The following ZFHX3 variants were observed in gnomAD, a reference collection of about 807,000 sequenced individuals.
The protein encoded by ZFHX3 is zinc finger homeobox protein 3.
Under a neutral mutation model 279.1 loss-of-function variants are expected in ZFHX3, and 42 were observed. The observed-to-expected ratio is 0.15, with a 90% CI of 0.12 to 0.19. ZFHX3 has a LOEUF of 0.19. Among genes scored for constraint, ZFHX3 ranks in the 10% least tolerant of loss-of-function variants. The probability of loss-of-function intolerance (pLI) is 1.00; values close to 1 mark genes in which losing one functional copy is unlikely to be tolerated. For synonymous variants in ZFHX3, 2,293 were observed against 1,957.8 expected (o/e 1.17, Z -4.52); for missense variants, 4,981 against 4,754.0 (o/e 1.05, Z -1.40).
intron 3 of ZFHX3, among the ~76,000 whole-genome samples, chr16:73,433,570 C>T (rs1892928310): frequency 6.6e-6 from 1 of 152,160 alleles, no homozygotes; most frequent in African/African-American, 2.4e-5. Flanking sequence ...GCTGGAGAGG[C>T]ATTCTGAGAG....
chr16:73,267,013 C>A (rs1383382029), intron 4 of ZFHX3, among the ~76,000 whole-genome samples: 1 of 152,182 alleles, frequency 6.6e-6, no homozygotes, highest in Admixed American at 6.5e-5. Context: ...ACTCCAATCC[C>A]AGTATACATT....
intron 1 of ZFHX3, among the ~76,000 whole-genome samples, chr16:73,741,079 T>C (rs7188884): frequency 0.12 from 16,414 of 140,502 alleles, 1,226 homozygotes; most frequent in East Asian, 0.21. Context: ...TTGCCCAGGC[T>C]GGAGTGCAGT....
In ZFHX3 at chr16:72,957,837, G is replaced by T; in HGVS notation, c.2309C>A (p.Ala770Asp). ...AGCCACCGCCGCCGCCGCCGCCCCG[G>T]CAGTGTGGCTGAAGACCTGCTCCCC... ...GGGEQVFSHTAGAAAAAVAAA... is the reference protein window; with the variant it reads ...GGGEQVFSHTDGAAAAAVAAA... The change falls in exon 2 of 10, where the codon GCC becomes GAC. Residue 770 changes from alanine (A) to aspartate (D), a missense_variant. By Grantham distance (126) the Ala-to-Asp change is moderately radical. Around this residue, in one of 7 missense-constraint regions of ZFHX3, gnomAD observed 1,751 missense variants for 1,770.0 expected, o/e 0.99. Transcript: ENST00000268489. 1 of 1,612,952 alleles carries T rather than the reference G, an allele frequency of 6.2e-7. No individual in the cohort carries two copies. Among genetic ancestry groups the T allele is most frequent in the South Asian group, 1.1e-5 (1 of 91,058 alleles).
At chr16:73,340,304 AT>A (rs1219133627) in intron 3 of ZFHX3, among the ~76,000 whole-genome samples, 2 of 152,212 alleles carry the variant, frequency 1.3e-5, no homozygotes, top group Non-Finnish European at 2.9e-5. Context: ...GTATATGAAA[AT>A]TTAGGACATA....
chr16:73,212,271 C>A (rs762549592), intron 5 of ZFHX3, among the ~76,000 whole-genome samples: 6 of 152,026 alleles, frequency 3.9e-5, no homozygotes, highest in Non-Finnish European at 5.9e-5. Flanking sequence ...TATCTATACA[C>A]CCTTTTTTAA....
intron 1 of ZFHX3, among the ~76,000 whole-genome samples, chr16:73,686,594 A>G (rs1265484350): frequency 5.3e-5 from 8 of 152,176 alleles, no homozygotes; most frequent in Admixed American, 5.2e-4. Context: ...GGAGCTGCCC[A>G]GAGTGATGAG....
At chr16:73,289,221 C>A (rs1000711069) in intron 4 of ZFHX3, among the ~76,000 whole-genome samples, 5 of 151,738 alleles carry the variant, frequency 3.3e-5, no homozygotes, top group Non-Finnish European at 7.4e-5. Flanking sequence ...CGCTGTCTGG[C>A]TGAACATCCC....
intron 1 of ZFHX3, among the ~76,000 whole-genome samples, chr16:72,976,102 A>G (rs1962334796): frequency 6.6e-6 from 1 of 152,238 alleles, no homozygotes; most frequent in Non-Finnish European, 1.5e-5. Flanking sequence ...GGGGAAGCGT[A>G]TTTGTGCAAA....
At chr16:73,810,377 TA>T (rs567723265) in intron 1 of ZFHX3, among the ~76,000 whole-genome samples, 20 of 152,284 alleles carry the variant, frequency 1.3e-4, no homozygotes, top group African/African-American at 4.6e-4. Context: ...AGTTTACAAA[TA>T]AAGGTTCTTT....
intron 8 of ZFHX3, among the ~76,000 whole-genome samples, chr16:73,091,068 A>T (rs1374976281): frequency 6.6e-6 from 1 of 151,812 alleles, no homozygotes; most frequent in East Asian, 1.9e-4. Flanking sequence ...AAAATTAACC[A>T]GGCATGGTGG....
At chr16:73,293,099 T>C (rs2014815592) in intron 4 of ZFHX3, among the ~76,000 whole-genome samples, 1 of 152,190 alleles carries the variant, frequency 6.6e-6, no homozygotes, top group Non-Finnish European at 1.5e-5. Flanking sequence ...GGCTGCGATG[T>C]GTGTTTTAGA....
intron 1 of ZFHX3, among the ~76,000 whole-genome samples, chr16:73,717,680 C>G (rs931070648): frequency 6.6e-6 from 1 of 152,188 alleles, no homozygotes; most frequent in South Asian, 2.1e-4. Flanking sequence ...TCGGACCTCT[C>G]TCTTCCCCCC....
At chr16:73,055,499 T>G (rs1965527876) in intron 1 of ZFHX3, among the ~76,000 whole-genome samples, 1 of 152,096 alleles carries the variant, frequency 6.6e-6, no homozygotes, top group South Asian at 2.1e-4. Flanking sequence ...TTCTGTATAT[T>G]CTTTTATTTC....
At chr16:73,456,597 CAGAA>C (rs2018376559) in intron 2 of ZFHX3, among the ~76,000 whole-genome samples, 1 of 152,228 alleles carries the variant, frequency 6.6e-6, no homozygotes, top group Admixed American at 6.5e-5. Context: ...CCAGCTTTGA[CAGAA>C]AGAAGGTGCT....
At chr16:73,408,978 T>C (rs1426409872) in intron 3 of ZFHX3, among the ~76,000 whole-genome samples, 1 of 152,166 alleles carries the variant, frequency 6.6e-6, no homozygotes, top group Non-Finnish European at 1.5e-5. Context: ...CATTTCAGGA[T>C]GGCCTTGTGC....
At chr16:73,610,077 C>G (rs781233140) in intron 2 of ZFHX3, 1 of 151,998 alleles carries the variant, frequency 6.6e-6, no homozygotes, top group Admixed American at 6.6e-5. Context: ...TCAGCCAGAC[C>G]GGAAAATATT....
intron 1 of ZFHX3, among the ~76,000 whole-genome samples, chr16:72,962,418 T>C (rs1961623762): frequency 6.6e-6 from 1 of 152,204 alleles, no homozygotes; most frequent in East Asian, 1.9e-4. Context: ...AATGACACTG[T>C]ACCCACCTAT....
chr16:73,741,523 G>A (rs768642234), intron 1 of ZFHX3, among the ~76,000 whole-genome samples: 2 of 152,114 alleles, frequency 1.3e-5, no homozygotes, highest in Admixed American at 1.3e-4. Flanking sequence ...AATTGTCCGG[G>A]TGTTTTCTCT....
At chr16:73,884,789 G>A (rs1003074181) in intron 1 of ZFHX3, among the ~76,000 whole-genome samples, 1 of 152,132 alleles carries the variant, frequency 6.6e-6, no homozygotes, top group Non-Finnish European at 1.5e-5. Flanking sequence ...AATAGTTTTT[G>A]AATTAAATAT....
Sources: gnomAD v4.1 joint callset for allele counts (sites outside exome capture counted in the v4.1 genomes callset) on GRCh38, gnomAD v4.1.1 for gene constraint, gnomAD v4.1.1 regional missense constraint, MANE v1.5 for transcripts, NCBI Gene and HGNC (gene_info 2026-07-23, HGNC 2026-07-21) for gene names.